HSD17B12: variants seen among roughly 807,000 people sequenced by gnomAD.
HSD17B12 encodes the protein hydroxysteroid 17-beta dehydrogenase 12.
HSD17B12 carries 32 observed loss-of-function variants against 39.3 expected under a neutral mutation model. That is an observed-to-expected ratio of 0.81 (90% confidence interval 0.61 to 1.09). HSD17B12 has a LOEUF of 1.09. Ranked by LOEUF, HSD17B12 falls within the 50% of genes least tolerant of loss-of-function variation. The pLI, the probability that HSD17B12 is intolerant of heterozygous loss-of-function variation, is 0.00. For missense variants in HSD17B12, 342 were observed against 382.9 expected, an observed-to-expected ratio of 0.89 and a Z score of 0.89; for synonymous variants, 150 against 146.7, an observed-to-expected ratio of 1.02 and a Z score of -0.16.
intron 1 of HSD17B12, chr11:43,734,268 T>C: frequency 7.7e-7 from 1 of 1,301,088 alleles, no homozygotes; most frequent in Middle Eastern, 2.4e-4. Flanking sequence ...TTGACACATC[T>C]GACTTTCAGG....
the HSD17B12 span, among the ~76,000 whole-genome samples, chr11:43,668,237 T>A: frequency 1.9e-4 from 29 of 152,226 alleles, no homozygotes; most frequent in African/African-American, 7.0e-4. Flanking sequence ...GAAGTTAATT[T>A]CCTTGCCTTT....
the HSD17B12 span, among the ~76,000 whole-genome samples, chr11:43,601,949 C>T: frequency 6.6e-6 from 1 of 152,178 alleles, no homozygotes; most frequent in Non-Finnish European, 1.5e-5. Flanking sequence ...CCCAGCCCCA[C>T]CCCAAAATGG....
At chr11:43,790,163 C>A (rs922598189) in intron 3 of HSD17B12, among the ~76,000 whole-genome samples, 1 of 152,038 alleles carries the variant, frequency 6.6e-6, no homozygotes, top group African/African-American at 2.4e-5. Context: ...AGATAACATA[C>A]AATAATTTAA....
At chr11:43,589,348 T>C in the HSD17B12 span, among the ~76,000 whole-genome samples, 2 of 152,186 alleles carry the variant, frequency 1.3e-5, no homozygotes, top group African/African-American at 2.4e-5. Flanking sequence ...GGCTGCAAAC[T>C]GCAGGGCTGA....
intron 1 of HSD17B12, among the ~76,000 whole-genome samples, chr11:43,718,326 C>T (rs1950144057): frequency 6.6e-6 from 1 of 152,202 alleles, no homozygotes; most frequent in South Asian, 2.1e-4. Flanking sequence ...ATACTTACTC[C>T]TCTCTTAGAA....
At chr11:43,665,687 G>T in the HSD17B12 span, among the ~76,000 whole-genome samples, 3 of 152,084 alleles carry the variant, frequency 2.0e-5, no homozygotes, top group Non-Finnish European at 2.9e-5. Flanking sequence ...AATGGCCAAG[G>T]TCACACAACT....
At chr11:43,621,521 C>T in the HSD17B12 span, among the ~76,000 whole-genome samples, 1 of 152,072 alleles carries the variant, frequency 6.6e-6, no homozygotes, top group African/African-American at 2.4e-5. Flanking sequence ...TCAAGACCAG[C>T]CTGGGCAACA....
chr11:43,655,042 G>T, the HSD17B12 span, among the ~76,000 whole-genome samples: 1 of 152,156 alleles, frequency 6.6e-6, no homozygotes, highest in South Asian at 2.1e-4. Flanking sequence ...CATGAGCATG[G>T]AATGTCCTTC....
the HSD17B12 span, among the ~76,000 whole-genome samples, chr11:43,557,979 A>C: frequency 3.3e-5 from 5 of 152,250 alleles, no homozygotes; most frequent in South Asian, 1.0e-3. Flanking sequence ...GCTTGGGGCC[A>C]TGTGACGATA....
intron 6 of HSD17B12, among the ~76,000 whole-genome samples, chr11:43,820,017 T>G (rs1277851644): frequency 6.6e-6 from 1 of 152,212 alleles, no homozygotes; most frequent in Non-Finnish European, 1.5e-5. Context: ...AATTAGTTTT[T>G]GTTGTACTAC....
intron 1 of HSD17B12, among the ~76,000 whole-genome samples, chr11:43,739,602 T>C (rs1319759564): frequency 6.6e-6 from 1 of 152,178 alleles, no homozygotes; most frequent in Non-Finnish European, 1.5e-5. Flanking sequence ...AAGATTCTTT[T>C]ATAAGGGCCT....
intron 3 of HSD17B12, among the ~76,000 whole-genome samples, chr11:43,783,958 T>A (rs963939450): frequency 6.6e-6 from 1 of 152,160 alleles, no homozygotes; most frequent in Non-Finnish European, 1.5e-5. Flanking sequence ...ACCACATCAT[T>A]TTACATTTAC....
intron 3 of HSD17B12, among the ~76,000 whole-genome samples, chr11:43,797,584 C>CTA (rs1395815142): frequency 4.6e-5 from 7 of 152,198 alleles, no homozygotes; most frequent in African/African-American, 1.7e-4. Context: ...AGAGCCTGTG[C>CTA]TATCTCTTCA....
At chr11:43,641,510 G>T in the HSD17B12 span, among the ~76,000 whole-genome samples, 1 of 151,988 alleles carries the variant, frequency 6.6e-6, no homozygotes, top group Non-Finnish European at 1.5e-5. Flanking sequence ...GTGAATTAAA[G>T]TTAATTAAGA....
chr11:43,644,580 C>T, the HSD17B12 span: 2 of 152,566 alleles, frequency 1.3e-5, no homozygotes, highest in East Asian at 3.9e-4. Context: ...AGCTTGCATC[C>T]TCCACTGTTC....
chr11:43,784,305 T>TATC (rs1454394682), intron 3 of HSD17B12, among the ~76,000 whole-genome samples: 1 of 34,076 alleles, frequency 2.9e-5, no homozygotes, highest in African/African-American at 7.9e-5. Context: ...GGATTGATAT[T>TATC]ATTATTATTA....
the HSD17B12 span, chr11:43,578,919 C>T: frequency 1.3e-5 from 2 of 152,058 alleles, no homozygotes; most frequent in Admixed American, 6.6e-5. Flanking sequence ...TCAATGGTAG[C>T]GGTGTAATTT....
upstream of HSD17B12, among the ~76,000 whole-genome samples, chr11:43,678,328 T>C (rs1949709291): frequency 2.0e-5 from 3 of 152,254 alleles, no homozygotes; most frequent in South Asian, 6.2e-4. Flanking sequence ...AGATTCTGGA[T>C]ATTAGCCCTT....
chr11:43,591,786 A>G, the HSD17B12 span, among the ~76,000 whole-genome samples: 1 of 152,026 alleles, frequency 6.6e-6, no homozygotes, highest in African/African-American at 2.4e-5. Context: ...ATCCCAGTAA[A>G]GATCATCATT....
Sources: allele counts gnomAD v4.1 joint callset (sites outside exome capture counted in the v4.1 genomes callset), GRCh38; gene constraint gnomAD v4.1.1; transcripts MANE v1.5; gene names NCBI Gene and HGNC (gene_info 2026-07-23, HGNC 2026-07-21).